The following IMMP2L variants were observed in gnomAD, a reference collection of about 807,000 sequenced individuals.
The protein encoded by IMMP2L is inner mitochondrial membrane peptidase subunit 2.
A neutral mutation model predicts 19.3 loss-of-function variants in IMMP2L; 18 were observed. The ratio of observed to expected loss-of-function variants is 0.93; its 90% CI spans 0.64 to 1.38. IMMP2L has a LOEUF of 1.38. IMMP2L is among the 40% of genes most tolerant of loss of function. IMMP2L has a pLI of 0.00. For missense variants in IMMP2L, 233 were observed against 218.2 expected (o/e 1.07, Z -0.43); for synonymous variants, 76 against 73.0 (o/e 1.04, Z -0.21).
intron 3 of IMMP2L, among the ~76,000 whole-genome samples, chr7:111,175,457 G>A (rs144541070): frequency 1.3e-5 from 2 of 151,952 alleles, no homozygotes; most frequent in Non-Finnish European, 2.9e-5. Flanking sequence ...TTGTTATGAA[G>A]AGAAATCTAT....
intron 3 of IMMP2L, among the ~76,000 whole-genome samples, chr7:110,966,499 A>C (rs1819559027): frequency 6.6e-6 from 1 of 151,850 alleles, no homozygotes; most frequent in Non-Finnish European, 1.5e-5. Context: ...AGTGTAAAAA[A>C]TATTTTATGC....
At chr7:111,186,721 G>A (rs927057857) in intron 3 of IMMP2L, among the ~76,000 whole-genome samples, 6 of 151,980 alleles carry the variant, frequency 3.9e-5, no homozygotes, top group East Asian at 1.9e-4. Flanking sequence ...ATGAGCCACC[G>A]TGCCCAGCCT....
At chr7:110,781,392 G>A (rs1470823008) in intron 5 of IMMP2L, among the ~76,000 whole-genome samples, 1 of 151,612 alleles carries the variant, frequency 6.6e-6, no homozygotes, top group East Asian at 2.0e-4. Context: ...TAATTTTTAA[G>A]GTGAATAAAA....
At chr7:111,124,381 G>T in intron 3 of IMMP2L, 1 of 1,613,790 alleles carries the variant, frequency 6.2e-7, no homozygotes, top group Non-Finnish European at 8.5e-7. Flanking sequence ...GGCCAATTCA[G>T]TTTTGGTGTC....
At chr7:111,460,194 GCAATAAACAAA>G (rs1840017585) in intron 3 of IMMP2L, among the ~76,000 whole-genome samples, 1 of 152,114 alleles carries the variant, frequency 6.6e-6, no homozygotes, top group South Asian at 2.1e-4. Context: ...CATTTGAAAT[GCAATAAACAAA>G]CTAAACAGAA....
chr7:111,330,055 A>G (rs1278982379), intron 3 of IMMP2L, among the ~76,000 whole-genome samples: 1 of 151,928 alleles, frequency 6.6e-6, no homozygotes. Context: ...GCAATTAGGT[A>G]GATTTAAAAA....
intron 3 of IMMP2L, among the ~76,000 whole-genome samples, chr7:111,121,511 A>C (rs1206970866): frequency 6.6e-6 from 1 of 152,224 alleles, no homozygotes; most frequent in Non-Finnish European, 1.5e-5. Flanking sequence ...AGAGAAATGC[A>C]AATCAAAACC....
At chr7:111,383,549 C>G (rs754716326) in intron 3 of IMMP2L, among the ~76,000 whole-genome samples, 3 of 152,116 alleles carry the variant, frequency 2.0e-5, no homozygotes, top group Non-Finnish European at 2.9e-5. Flanking sequence ...CAACACTCCT[C>G]ATTGAAAAAG....
chr7:111,212,883 T>C (rs1229686842), intron 3 of IMMP2L, among the ~76,000 whole-genome samples: 1 of 152,220 alleles, frequency 6.6e-6, no homozygotes, highest in Non-Finnish European at 1.5e-5. Context: ...TTGTGTGGAC[T>C]ACCGGTCTCA....
chr7:110,700,817 A>G (rs1794231906), intron 5 of IMMP2L, among the ~76,000 whole-genome samples: 1 of 152,206 alleles, frequency 6.6e-6, no homozygotes, highest in Admixed American at 6.5e-5. Flanking sequence ...TCAGTATTAA[A>G]TGCTTATTAA....
intron 4 of IMMP2L, among the ~76,000 whole-genome samples, chr7:110,918,822 C>T (rs1258896996): frequency 6.6e-6 from 1 of 152,088 alleles, no homozygotes; most frequent in Non-Finnish European, 1.5e-5. Context: ...AAAATAATTT[C>T]TCTAATAATT....
intron 3 of IMMP2L, among the ~76,000 whole-genome samples, chr7:111,441,238 G>C (rs942283224): frequency 6.6e-6 from 1 of 151,866 alleles, no homozygotes; most frequent in Non-Finnish European, 1.5e-5. Context: ...CAGCACAAGA[G>C]GCCTACCTTT....
chr7:111,437,341 AG>A (rs1335461776), intron 3 of IMMP2L, among the ~76,000 whole-genome samples: 1 of 151,796 alleles, frequency 6.6e-6, no homozygotes, highest in Non-Finnish European at 1.5e-5. Context: ...GCTACTCAGG[AG>A]GCTGAGGCAA....
At chr7:111,053,149 A>T (rs1328345308) in intron 3 of IMMP2L, among the ~76,000 whole-genome samples, 3 of 152,238 alleles carry the variant, frequency 2.0e-5, no homozygotes, top group Non-Finnish European at 4.4e-5. Flanking sequence ...AACAAAAGGA[A>T]GGAAAGTACA....
chr7:111,343,138 T>C (rs1040668868), intron 3 of IMMP2L, among the ~76,000 whole-genome samples: 3 of 152,138 alleles, frequency 2.0e-5, no homozygotes, highest in Non-Finnish European at 2.9e-5. Context: ...AGTGGTTGTA[T>C]CCCTTTCCAA....
chr7:111,140,642 C>T lies in IMMP2L; in HGVS notation c.240-177077G>A, dbSNP rs114697982. ...GGGCCAAGCCATTTTGGCCAGATGG[C>T]TTTTTGCAATTTTGGAAATATCTGA... On this transcript the variant is annotated intron_variant, in intron 3 of 5. Coordinates refer to ENST00000405709, the MANE Select transcript of IMMP2L (RefSeq NM_032549.4). Among the ~76,000 whole-genome samples, 1,147 of 152,232 alleles carry T rather than the reference C, an allele frequency of 7.5e-3. 16 individuals are homozygous for T. Among genetic ancestry groups the T allele is most frequent in the African/African-American group, 0.025 (1,021 of 41,532 alleles).
At chr7:110,919,421 A>G (rs1046148991) in intron 4 of IMMP2L, among the ~76,000 whole-genome samples, 1 of 152,232 alleles carries the variant, frequency 6.6e-6, no homozygotes, top group African/African-American at 2.4e-5. Context: ...GAGCAGAATC[A>G]GCAAATTATA....
intron 5 of IMMP2L, among the ~76,000 whole-genome samples, chr7:110,820,802 A>G (rs1160876291): frequency 6.6e-6 from 1 of 152,102 alleles, no homozygotes; most frequent in East Asian, 1.9e-4. Flanking sequence ...CACCGAACTA[A>G]GAAGTGTTGG....
chr7:110,763,382 T>C (rs1255243651), intron 5 of IMMP2L, among the ~76,000 whole-genome samples: 1 of 152,146 alleles, frequency 6.6e-6, no homozygotes, highest in East Asian at 1.9e-4. Flanking sequence ...TATTCAGCAT[T>C]CATTGAGTGC....
Sources: allele counts gnomAD v4.1 joint callset (sites outside exome capture counted in the v4.1 genomes callset), GRCh38; gene constraint gnomAD v4.1.1; transcripts MANE v1.5; gene names NCBI Gene and HGNC (gene_info 2026-07-23, HGNC 2026-07-21).